The following MMRN1 variants were observed in gnomAD, a reference collection of about 807,000 sequenced individuals.
The protein encoded by MMRN1 is multimerin-1.
A neutral mutation model predicts 100.7 loss-of-function variants in MMRN1; 94 were observed. That is an observed-to-expected ratio of 0.93 (90% CI 0.79 to 1.11). The LOEUF (loss-of-function observed/expected upper bound fraction) is 1.11, where lower values mean the gene tolerates loss of function less well. MMRN1 is among the 50% of genes least tolerant of loss of function. The pLI, the probability that MMRN1 is intolerant of heterozygous loss-of-function variation, is 0.00. For synonymous variants in MMRN1, 575 were observed against 505.0 expected (o/e 1.14, Z -1.86); for missense variants, 1,606 against 1,439.1 (o/e 1.12, Z -1.88).
chr4:89,930,103 A>G (rs1368703808), intron 5 of MMRN1, among the ~76,000 whole-genome samples: 2 of 152,174 alleles, frequency 1.3e-5, no homozygotes, highest in African/African-American at 4.8e-5. Context: ...AGGAAACAGA[A>G]ACAAACAGAA....
intron 6 of MMRN1, among the ~76,000 whole-genome samples, chr4:89,941,571 T>G (rs1398425173): frequency 6.6e-6 from 1 of 152,082 alleles, no homozygotes; most frequent in Non-Finnish European, 1.5e-5. Context: ...ATACCAAAAC[T>G]CCATACTCTC....
chr4:89,943,621 G>A (rs548660313), intron 6 of MMRN1, among the ~76,000 whole-genome samples: 17 of 152,214 alleles, frequency 1.1e-4, no homozygotes, highest in South Asian at 6.2e-4. Flanking sequence ...CAAATATTAC[G>A]TAAGTCCTAA....
chr4:89,886,151 A>G (rs1202581120), intron 1 of MMRN1, among the ~76,000 whole-genome samples: 2 of 150,122 alleles, frequency 1.3e-5, no homozygotes, highest in Admixed American at 6.7e-5. Flanking sequence ...TCAGCCTCCC[A>G]AAGTACTAAG....
In MMRN1 at chr4:89,895,221, C is replaced by G; in HGVS notation, c.250C>G (p.Pro84Ala). 6.2e-7 allele frequency: 1 copy of G among 1,613,784 alleles called. No homozygotes were observed. The highest frequency in any genetic ancestry group is 8.5e-7 in the Non-Finnish European group (1 of 1,179,912). ...AGACAGTCTTCTTAAATCAACACTG[C>G]CTCCCTCAGAAACAAGTGCACCTGC... ...SEDSLLKSTL[P>A]PSETSAPAEG... Residue 84 changes from proline (P) to alanine (A), a missense_variant, in exon 1 of 8, where the codon CCT (proline) becomes GCT (alanine). Transcript: ENST00000264790.
At chr4:89,895,738 T>G in intron 1 of MMRN1, 144 bp downstream of exon 1, 1 of 1,374,624 alleles carries the variant, frequency 7.3e-7, no homozygotes, top group Non-Finnish European at 9.7e-7. Flanking sequence ...TTCAGTTAGA[T>G]AAAGTTATTG....
intron 1 of MMRN1, among the ~76,000 whole-genome samples, chr4:89,904,265 A>G: frequency 6.6e-6 from 1 of 151,222 alleles, no homozygotes; most frequent in East Asian, 1.9e-4. Context: ...GTATTTATTT[A>G]TTTTTATTGT....
At chr4:89,946,785 A>G (rs918706628) in intron 6 of MMRN1, among the ~76,000 whole-genome samples, 4 of 152,182 alleles carry the variant, frequency 2.6e-5, no homozygotes, top group Non-Finnish European at 5.9e-5. Flanking sequence ...ACTAGAGCAC[A>G]TATTAGGGTC....
At chr4:89,915,317 C>T (rs1279141508) in intron 3 of MMRN1, among the ~76,000 whole-genome samples, 3 of 151,556 alleles carry the variant, frequency 2.0e-5, no homozygotes, top group Admixed American at 1.3e-4. Flanking sequence ...GAAGAACACT[C>T]TGTACCATAA....
chr4:89,922,613 GA>G (rs1358685475), intron 3 of MMRN1, among the ~76,000 whole-genome samples: 2 of 152,122 alleles, frequency 1.3e-5, no homozygotes, highest in Non-Finnish European at 2.9e-5. Context: ...TGATTTGCTT[GA>G]AATGTGCCTG....
chr4:89,890,525 A>G (rs1365935968), upstream of MMRN1, among the ~76,000 whole-genome samples: 2 of 151,996 alleles, frequency 1.3e-5, no homozygotes, highest in African/African-American at 4.8e-5. Flanking sequence ...TTTTCTATAT[A>G]TAATGTCCAT....
At position 89,895,289 on chromosome 4, in the gene MMRN1, A is replaced by G. The variant is rs759027263; in HGVS notation, c.318A>G (p.Ala106=). 13 of 1,613,966 alleles carry G rather than the reference A, an allele frequency of 8.1e-6. No homozygotes were observed. In the Admixed American group the frequency reaches 2.0e-4, roughly 25 times the overall value. ...AAACTCTCACATCCACAGAGAAAGC[A>G]GAAGGAGTGGTCAAGTTACAGAATC... The part of the protein sequence containing the change: ...RNQTLTSTEK[A]EGVVKLQNLT... Residue 106 remains alanine (A), a synonymous_variant, in exon 1 of 8, where the codon GCA becomes GCG. Transcript: ENST00000264790.
chr4:89,926,915 G>A (rs1418529930), intron 4 of MMRN1, among the ~76,000 whole-genome samples: 1 of 152,080 alleles, frequency 6.6e-6, no homozygotes, highest in African/African-American at 2.4e-5. Context: ...TGGCACCTTT[G>A]TTGAAAATGA....
At position 89,934,832 on chromosome 4, in the gene MMRN1, T is replaced by C; in HGVS notation, c.1152T>C (p.Asn384=). The C allele has an allele frequency of 6.6e-7, 1 of 1,526,562 alleles. No individual in the cohort carries two copies. Among genetic ancestry groups the C allele is most frequent in the Non-Finnish European group, 8.8e-7 (1 of 1,137,574 alleles). The allele number at this position is 1,526,562 out of a possible 1,614,324, so 94.6% of individuals were successfully genotyped here. A position where few individuals can be genotyped will look rare whatever the true frequency, so the allele number is the denominator to read the frequency against. ...TAGGTCTAAAATCCAAAAGCATTAA[T>C]GTACTGATAAGAGACATAGTAAGAG... ...LLKGLKSKSI[N]VLIRDIVREQ... Residue 384 remains asparagine (N), a synonymous_variant, in exon 6 of 8, where the codon AAT becomes AAC. Transcript: ENST00000264790.
At chr4:89,897,988 A>G (rs1721263853) in intron 1 of MMRN1, among the ~76,000 whole-genome samples, 1 of 152,144 alleles carries the variant, frequency 6.6e-6, no homozygotes, top group Non-Finnish European at 1.5e-5. Context: ...TACTAACTGC[A>G]TGTAGGGATT....
chr4:89,927,803 CA>C lies in MMRN1; in HGVS notation c.970del (p.Met324Ter). On this transcript the variant is annotated frameshift_variant, in exon 5 of 8. Transcript: ENST00000264790. LOFTEE classifies it high-confidence loss of function. The part of the protein sequence containing the change: ...QQGCGDPEVM[Q>X]KMTDQVNYQA... The stretch of plus-strand genomic sequence containing the variant: ...TTCTCTTCTATATGCAGAAGTGATG[CA>C]AAAAATGACTGATCAGGTGAACTAC... 1 of 1,608,822 alleles carries C rather than the reference CA, an allele frequency of 6.2e-7. No homozygotes were observed. The highest frequency in any genetic ancestry group is 8.5e-7 in the Non-Finnish European group (1 of 1,178,134).
intron 1 of MMRN1, among the ~76,000 whole-genome samples, chr4:89,900,166 A>C (rs933473687): frequency 2.6e-5 from 4 of 152,120 alleles, no homozygotes; most frequent in African/African-American, 9.7e-5. Flanking sequence ...AACAACTGCT[A>C]TCTGACCACT....
At chr4:89,882,807 C>G (rs889177182) in intron 1 of MMRN1, among the ~76,000 whole-genome samples, 4 of 151,862 alleles carry the variant, frequency 2.6e-5, no homozygotes, top group Admixed American at 6.6e-5. Context: ...AGGTGTTCTG[C>G]TTCATGAGTT....
intron 3 of MMRN1, among the ~76,000 whole-genome samples, chr4:89,917,049 A>C (rs1721944204): frequency 6.6e-6 from 1 of 151,660 alleles, no homozygotes; most frequent in Non-Finnish European, 1.5e-5. Flanking sequence ...CTGAAGTCTC[A>C]AATAGGATCC....
chr4:89,892,565 A>C (rs1348136914), upstream of MMRN1, among the ~76,000 whole-genome samples: 1 of 151,696 alleles, frequency 6.6e-6, no homozygotes, highest in Non-Finnish European at 1.5e-5. Flanking sequence ...TGATCCATAT[A>C]CCCAAAATCA....
Sources: allele counts gnomAD v4.1 joint callset (sites outside exome capture counted in the v4.1 genomes callset), GRCh38; gene constraint gnomAD v4.1.1; transcripts MANE v1.5; gene names NCBI Gene and HGNC (gene_info 2026-07-23, HGNC 2026-07-21).